The following CBLB variants were observed in gnomAD, a reference collection of about 807,000 sequenced individuals.
CBLB encodes the protein Cbl proto-oncogene B, also known as E3 ubiquitin-protein ligase CBL-B.
A neutral mutation model predicts 104.9 loss-of-function variants in CBLB; 31 were observed. The ratio of observed to expected loss-of-function variants is 0.30; its 90% CI spans 0.22 to 0.40. CBLB has a LOEUF of 0.40. Ranked by LOEUF, CBLB falls within the 10% of genes least tolerant of loss-of-function variation. The pLI is 1.00. For synonymous variants in CBLB, 440 were observed against 422.6 expected, an observed-to-expected ratio of 1.04 and a Z score of -0.51; for missense variants, 1,062 against 1,214.6, an observed-to-expected ratio of 0.87 and a Z score of 1.87.
At chr3:105,819,451 A>C (rs6800840) in intron 3 of CBLB, among the ~76,000 whole-genome samples, 151,352 of 151,360 alleles carry the variant, frequency 1, 75,672 homozygotes, top group Middle Eastern at 1. Context: ...TGTGCCACTG[A>C]ACTCCAGCCT....
chr3:105,695,180 A>G (rs2152761264), intron 12 of CBLB, among the ~76,000 whole-genome samples: 1 of 151,986 alleles, frequency 6.6e-6, no homozygotes, highest in South Asian at 2.1e-4. Context: ...TATATGCAAT[A>G]GTTTGTTATT....
At chr3:105,869,067 G>A, upstream of CBLB, 3 of 1,030,936 alleles carry the variant, frequency 2.9e-6, no homozygotes, top group Non-Finnish European at 3.6e-6. Context: ...CGGGGCGGGG[G>A]CGGGGCCGGG....
At chr3:105,675,681 C>T (rs955036298) in intron 17 of CBLB, among the ~76,000 whole-genome samples, 5 of 151,782 alleles carry the variant, frequency 3.3e-5, no homozygotes, top group South Asian at 2.1e-4. Flanking sequence ...GCCAGGAGTT[C>T]GAGACCAGCC....
In CBLB at chr3:105,867,664, C is replaced by A; in HGVS notation, c.-14-73G>T. The A allele has an allele frequency of 2.3e-6, 3 of 1,301,306 alleles. No homozygotes were observed. The South Asian group carries it at 3.6e-5, about 16-fold the overall frequency. The allele number at this position is 1,301,306 out of a possible 1,614,324, so 80.6% of individuals were successfully genotyped here. On this transcript the variant is annotated intron_variant, in intron 1 of 18. Coordinates refer to ENST00000394030, the MANE Select transcript of CBLB (RefSeq NM_170662.5). ...TATTTACCCACCAGAAAACTAGAGACTAACTTGTACCACTGCATCTTCCTC... is the reference window on the plus strand; with the variant it reads ...TATTTACCCACCAGAAAACTAGAGAATAACTTGTACCACTGCATCTTCCTC...
intron 2 of CBLB, among the ~76,000 whole-genome samples, chr3:105,866,835 G>A (rs1269997580): frequency 1.3e-5 from 2 of 152,128 alleles, no homozygotes; most frequent in Non-Finnish European, 2.9e-5. Context: ...CCATCGAAAG[G>A]TTTCCTGTTT....
intron 18 of CBLB, among the ~76,000 whole-genome samples, chr3:105,663,311 GGAA>G (rs892405991): frequency 7.9e-5 from 12 of 152,330 alleles, no homozygotes; most frequent in African/African-American, 2.6e-4. Flanking sequence ...AAGGGTCTGA[GGAA>G]GAAGAAGTGA....
intron 3 of CBLB, among the ~76,000 whole-genome samples, chr3:105,782,710 C>T (rs2080436734): frequency 6.6e-6 from 1 of 151,866 alleles, no homozygotes; most frequent in African/African-American, 2.4e-5. Context: ...TCTCAGCCTC[C>T]AGAGGGTGTA....
At chr3:105,771,235 A>G (rs1420602509) in intron 4 of CBLB, among the ~76,000 whole-genome samples, 1 of 152,216 alleles carries the variant, frequency 6.6e-6, no homozygotes, top group African/African-American at 2.4e-5. Flanking sequence ...ACAGTTTAAC[A>G]TATGTAAGTT....
intron 3 of CBLB, among the ~76,000 whole-genome samples, chr3:105,851,072 T>A (rs2153115374): frequency 6.6e-6 from 1 of 152,296 alleles, no homozygotes; most frequent in African/African-American, 2.4e-5. Context: ...CATGAATACC[T>A]ACACACAAAT....
intron 3 of CBLB, among the ~76,000 whole-genome samples, chr3:105,851,379 G>A (rs1180038674): frequency 6.6e-6 from 1 of 152,152 alleles, no homozygotes; most frequent in Non-Finnish European, 1.5e-5. Context: ...GGGTTCAGGG[G>A]GGGAAGTGAG....
rs543968799 is a variant in CBLB, at chr3:105,680,693, C to T, written c.2428+786G>A. ...TGTGAGAAAATGGAAAGGTTCATTT[C>T]GTATTTCTGGTGGCCTAACAGCCAG... On this transcript the variant is annotated intron_variant, in intron 16 of 18. Coordinates refer to ENST00000394030, the MANE Select transcript of CBLB (RefSeq NM_170662.5). 1.8e-4 allele frequency among the ~76,000 whole-genome samples: 28 copies of T among 152,286 alleles called. No individual in the cohort carries two copies. The South Asian group carries it at 3.5e-3, about 19-fold the overall frequency.
intron 3 of CBLB, among the ~76,000 whole-genome samples, chr3:105,830,633 A>G (rs1332666861): frequency 6.6e-6 from 1 of 152,244 alleles, no homozygotes; most frequent in Non-Finnish European, 1.5e-5. Flanking sequence ...ATTAAGTTGT[A>G]AAGTTTAAAA....
intron 9 of CBLB, among the ~76,000 whole-genome samples, chr3:105,729,370 CTAAA>C (rs548284816): frequency 1.8e-4 from 28 of 152,020 alleles, no homozygotes; most frequent in African/African-American, 6.0e-4. Flanking sequence ...AGAATGTTTC[CTAAA>C]TAAATAAATA....
At chr3:105,747,039 G>C (rs2076168373) in intron 5 of CBLB, among the ~76,000 whole-genome samples, 1 of 152,166 alleles carries the variant, frequency 6.6e-6, no homozygotes, top group Admixed American at 6.5e-5. Context: ...ACTTTTCACA[G>C]AAGTATTTGG....
At chr3:105,665,412 A>AT (rs1559734328) in intron 18 of CBLB, among the ~76,000 whole-genome samples, 55 of 74,770 alleles carry the variant, frequency 7.4e-4, no homozygotes, top group African/African-American at 1.6e-3. Context: ...TAAATAAATA[A>AT]ATAAATATAT....
chr3:105,811,252 T>C (rs1291826875), intron 3 of CBLB, among the ~76,000 whole-genome samples: 1 of 152,160 alleles, frequency 6.6e-6, no homozygotes, highest in Non-Finnish European at 1.5e-5. Context: ...AGCTAAAAGG[T>C]ATAGTTAGTA....
intron 3 of CBLB, among the ~76,000 whole-genome samples, chr3:105,812,895 C>T (rs913360280): frequency 9.2e-5 from 14 of 152,048 alleles, no homozygotes; most frequent in Admixed American, 6.6e-5. Flanking sequence ...CATCTTAGGC[C>T]GTTACTTAAA....
intron 3 of CBLB, among the ~76,000 whole-genome samples, chr3:105,828,064 C>T (rs2153071927): frequency 6.6e-6 from 1 of 152,326 alleles, no homozygotes; most frequent in South Asian, 2.1e-4. Context: ...AAGTCAAGGA[C>T]TTAGGCTCCT....
chr3:105,813,032 G>A (rs758037150), intron 3 of CBLB, among the ~76,000 whole-genome samples: 2 of 152,036 alleles, frequency 1.3e-5, no homozygotes, highest in Non-Finnish European at 2.9e-5. Flanking sequence ...TAAACAAGCA[G>A]TATGTTAATT....
Sources: allele counts gnomAD v4.1 joint callset (sites outside exome capture counted in the v4.1 genomes callset), GRCh38; gene constraint gnomAD v4.1.1; transcripts MANE v1.5; gene names NCBI Gene and HGNC (gene_info 2026-07-23, HGNC 2026-07-21).